SCML4: variants seen among roughly 807,000 people sequenced by gnomAD.
The protein encoded by SCML4 is Scm polycomb group protein like 4, also known as sex comb on midleg-like protein 4.
SCML4 carries 34 observed loss-of-function variants against 41.1 expected under a neutral mutation model. The ratio of observed to expected loss-of-function variants is 0.83; its 90% CI spans 0.63 to 1.10. SCML4 has a LOEUF of 1.10. Ranked by LOEUF, SCML4 falls within the 50% of genes least tolerant of loss-of-function variation. The pLI is 0.00. For synonymous variants in SCML4, 214 were observed against 220.9 expected (o/e 0.97, Z 0.28); for missense variants, 522 against 534.1 (o/e 0.98, Z 0.22).
rs9688835 is a variant in SCML4 at position 107,785,351 on chromosome 6, G to C, written c.-59-12965C>G. 7.9e-3 allele frequency among the ~76,000 whole-genome samples: 1,206 copies of C among 152,298 alleles called. 22 individuals carry two copies. The highest frequency in any genetic ancestry group is 0.028 in the African/African-American group (1,143 of 41,554). Reference sequence around the variant, plus strand: ...ACAAGGTGACTGCGATCCGAGTGCTGTTGCGCCCCACTGCTGAGGAGCTGA... The same window carrying C: ...ACAAGGTGACTGCGATCCGAGTGCTCTTGCGCCCCACTGCTGAGGAGCTGA... On this transcript the variant is annotated intron_variant, in intron 1 of 7. Coordinates refer to ENST00000369020, the MANE Select transcript of SCML4 (RefSeq NM_198081.5).
chr6:107,769,607 CAT>C (rs1201605128), intron 2 of SCML4, among the ~76,000 whole-genome samples: 1 of 152,114 alleles, frequency 6.6e-6, no homozygotes, highest in South Asian at 2.1e-4. Context: ...GGCTCAGAAA[CAT>C]ATGATTTTAT....
At chr6:107,801,228 G>A (rs1783094315) in intron 1 of SCML4, among the ~76,000 whole-genome samples, 3 of 152,082 alleles carry the variant, frequency 2.0e-5, no homozygotes, top group South Asian at 4.1e-4. Flanking sequence ...TCTGTCTATG[G>A]TAAGCCCACT....
the SCML4 span, among the ~76,000 whole-genome samples, chr6:107,837,613 T>A: frequency 6.6e-6 from 1 of 152,204 alleles, no homozygotes; most frequent in Non-Finnish European, 1.5e-5. Flanking sequence ...GGCTCTTGCC[T>A]GGTTTAACAC....
chr6:107,806,192 C>CT lies in SCML4; in HGVS notation c.-60+17933_-60+17934insA, dbSNP rs893832325. On this transcript the variant is annotated intron_variant, in intron 1 of 7. Transcript: ENST00000369020. ...GACAATCAAAACAGAGATTTCCCCC[C>CT]CCCCAATAAACAATGAGCAAGGGCT... 3.8e-4 allele frequency among the ~76,000 whole-genome samples: 9 copies of CT among 23,898 alleles called. No homozygotes were observed. In the Non-Finnish European group the frequency reaches 4.5e-3, roughly 12 times the overall value. 15.7% of individuals were successfully genotyped at this position (23,898 alleles called of 152,430 possible).
At chr6:107,810,968 T>C (rs1356409554) in intron 1 of SCML4, among the ~76,000 whole-genome samples, 2 of 152,098 alleles carry the variant, frequency 1.3e-5, no homozygotes, top group African/African-American at 4.8e-5. Context: ...AAGAGATACT[T>C]AAGCCTAAAT....
chr6:107,783,738 G>A (rs1781670332), intron 1 of SCML4, among the ~76,000 whole-genome samples: 1 of 152,106 alleles, frequency 6.6e-6, no homozygotes, highest in Non-Finnish European at 1.5e-5. Context: ...GCAGGTGCTG[G>A]TCTGAGTTTG....
intron 1 of SCML4, among the ~76,000 whole-genome samples, chr6:107,788,357 A>G (rs9486697): frequency 0.32 from 48,246 of 152,082 alleles, 7,767 homozygotes; most frequent in Middle Eastern, 0.35. Context: ...TGAGAAAATG[A>G]CCATGAGATC....
In SCML4 at chr6:107,704,498, G is replaced by A. The variant is rs1324982524; in HGVS notation, c.*702C>T. The A allele has an allele frequency of 1.3e-5, 2 of 152,170 alleles. No homozygotes were observed. The highest frequency in any genetic ancestry group is 3.8e-4 in the East Asian group (2 of 5,208). 9.4% of individuals were successfully genotyped at this position (152,170 alleles called of 1,614,324 possible). A position where few individuals can be genotyped will look rare whatever the true frequency, so the allele number is the denominator to read the frequency against. ...GGAATAAATCCCCTGTTTCTGTGTG[G>A]GCTAGATCTTGTTCACAGACACCCT... On this transcript the variant is annotated 3_prime_UTR_variant, in exon 8 of 8. Coordinates refer to ENST00000369020, the MANE Select transcript of SCML4 (RefSeq NM_198081.5).
intron 1 of SCML4, among the ~76,000 whole-genome samples, chr6:107,773,593 A>T (rs1439152119): frequency 1.4e-5 from 2 of 143,900 alleles, no homozygotes; most frequent in East Asian, 2.0e-4. Flanking sequence ...CTGTCTCAAA[A>T]AAAAAAAAAA....
the SCML4 span, among the ~76,000 whole-genome samples, chr6:107,839,301 GA>G: frequency 8.0e-6 from 1 of 124,880 alleles, no homozygotes; most frequent in African/African-American, 3.0e-5. Context: ...CAAAAGAAAA[GA>G]AAAGAGAGAG....
intron 1 of SCML4, among the ~76,000 whole-genome samples, chr6:107,773,490 G>T (rs750384679): frequency 2.7e-5 from 4 of 150,654 alleles, no homozygotes; most frequent in Non-Finnish European, 5.9e-5. Flanking sequence ...TACTCGGGAG[G>T]CTGAGGCAGG....
chr6:107,772,091 G>T, intron 2 of SCML4, 81 bp downstream of exon 2: 1 of 1,246,428 alleles, frequency 8.0e-7, no homozygotes, highest in Admixed American at 3.1e-5. Context: ...AACCTCTAGT[G>T]GCATTTTGCA....
At chr6:107,834,896 C>T in the SCML4 span, among the ~76,000 whole-genome samples, 1 of 150,852 alleles carries the variant, frequency 6.6e-6, no homozygotes, top group Non-Finnish European at 1.5e-5. Context: ...TGTGAATATG[C>T]CACTGCACTC....
At chr6:107,766,269 C>A (rs1780029801) in intron 2 of SCML4, among the ~76,000 whole-genome samples, 1 of 151,664 alleles carries the variant, frequency 6.6e-6, no homozygotes, top group African/African-American at 2.4e-5. Context: ...ACTCAGGAGG[C>A]TGAGGCAGAA....
In SCML4 at chr6:107,705,214, G is replaced by C; in HGVS notation, c.1231C>G (p.Gln411Glu). The change falls in exon 8 of 8, where the codon CAA (glutamine) becomes GAA (glutamate). Residue 411 changes from glutamine (Q) to glutamate (E), a missense_variant. Gln to Glu is a conservative substitution (Grantham distance 29). Transcript: ENST00000369020. Reference sequence around the variant, plus strand: ...TTTTAAAAAAGTCAGAACTTGGCTTGCTTCAGTTTGTCAATGTGGTAGCAG... The same window carrying C: ...TTTTAAAAAAGTCAGAACTTGGCTTCCTTCAGTTTGTCAATGTGGTAGCAG... ...KLCYHIDKLK[Q>E]AKF is the part of the protein sequence containing the mutation. 6.4e-7 allele frequency: 1 copy of C among 1,551,588 alleles called. No individual in the cohort carries two copies. The highest frequency in any genetic ancestry group is 1.4e-5 in the African/African-American group (1 of 73,142).
chr6:107,753,342 CA>C (rs1357741885), intron 2 of SCML4, among the ~76,000 whole-genome samples: 3 of 152,086 alleles, frequency 2.0e-5, no homozygotes, highest in South Asian at 4.1e-4. Context: ...ATGTAGCCCC[CA>C]AAATTGAAAA....
intron 1 of SCML4, among the ~76,000 whole-genome samples, chr6:107,792,767 C>T (rs1419114284): frequency 1.3e-5 from 2 of 151,712 alleles, no homozygotes; most frequent in Non-Finnish European, 2.9e-5. Context: ...AAATATCACC[C>T]CCAAATGTAC....
At chr6:107,708,137 C>A (rs1562163018) in intron 6 of SCML4, 126 bp from the exon 7 acceptor site, 4 of 1,074,082 alleles carry the variant, frequency 3.7e-6, no homozygotes, top group Non-Finnish European at 5.2e-6. Context: ...AGGACCTGGC[C>A]CAAGTGACCT....
chr6:107,717,052 C>G (rs932147974), intron 6 of SCML4, among the ~76,000 whole-genome samples: 1 of 149,166 alleles, frequency 6.7e-6, no homozygotes, highest in African/African-American at 2.5e-5. Context: ...GTGGTCCCAG[C>G]ACTTTGGGAG....
Sources: gnomAD v4.1 joint callset for allele counts (sites outside exome capture counted in the v4.1 genomes callset) on GRCh38, gnomAD v4.1.1 for gene constraint, MANE v1.5 for transcripts, NCBI Gene and HGNC (gene_info 2026-07-23, HGNC 2026-07-21) for gene names.